LACTBL1: variants seen among roughly 807,000 people sequenced by gnomAD.
LACTBL1 encodes beta-lactamase-like protein 1.
A neutral mutation model predicts 39.6 loss-of-function variants in LACTBL1; 29 were observed. The ratio of observed to expected loss-of-function variants is 0.73; its 90% CI spans 0.55 to 1.00. The LOEUF (loss-of-function observed/expected upper bound fraction) is 1.00, where lower values mean the gene tolerates loss of function less well. LACTBL1 is among the 50% of genes least tolerant of loss of function. The probability of loss-of-function intolerance (pLI) is 0.00; values close to 1 mark genes in which losing one functional copy is unlikely to be tolerated. For synonymous variants in LACTBL1, 361 were observed against 360.7 expected, an observed-to-expected ratio of 1.00 and a Z score of -0.01; for missense variants, 711 against 748.5, an observed-to-expected ratio of 0.95 and a Z score of 0.59.
upstream of LACTBL1, among the ~76,000 whole-genome samples, chr1:22,966,501 G>A (rs1640877546): frequency 6.6e-6 from 1 of 152,148 alleles, no homozygotes; most frequent in African/African-American, 2.4e-5. Context: ...AATGAAAGGA[G>A]ACATCACTAC....
exon 1 of LACTBL1, chr1:22,965,330 G>A (rs2124239137): frequency 1.5e-6 from 2 of 1,315,724 alleles, no homozygotes; most frequent in East Asian, 3.1e-5. Context: ...ACAGGAAGCA[G>A]CCAGTCATGA....
chr1:22,965,064 G>A (rs889804464), intron 1 of LACTBL1, among the ~76,000 whole-genome samples: 3 of 152,176 alleles, frequency 2.0e-5, no homozygotes, highest in African/African-American at 4.8e-5. Context: ...AACCCCAGTG[G>A]CATCAGGATC....
chr1:22,959,599 C>T (rs1640797414), intron 3 of LACTBL1, among the ~76,000 whole-genome samples: 1 of 152,226 alleles, frequency 6.6e-6, no homozygotes, highest in Non-Finnish European at 1.5e-5. Context: ...GGACCTGGGG[C>T]AAGGACCTAG....
the LACTBL1 span, among the ~76,000 whole-genome samples, chr1:22,971,998 G>A: frequency 6.6e-6 from 1 of 152,142 alleles, no homozygotes; most frequent in Non-Finnish European, 1.5e-5. Flanking sequence ...CAGGTAGTTA[G>A]GAATGAGCTT....
chr1:22,959,688 G>A (rs1640799663), intron 3 of LACTBL1, among the ~76,000 whole-genome samples: 1 of 152,206 alleles, frequency 6.6e-6, no homozygotes, highest in Admixed American at 6.5e-5. Context: ...AGTTTGGGAG[G>A]TTTAGGGCTA....
upstream of LACTBL1, among the ~76,000 whole-genome samples, chr1:22,966,195 C>T (rs747499458): frequency 5.9e-5 from 9 of 152,194 alleles, no homozygotes; most frequent in East Asian, 5.8e-4. Flanking sequence ...AGCTGGCACA[C>T]GGTAACACTA....
chr1:22,960,617 CAAAAAAAAAAAAAA>C (rs35006759), intron 2 of LACTBL1, among the ~76,000 whole-genome samples: 8 of 38,008 alleles, frequency 2.1e-4, no homozygotes, highest in Admixed American at 1.3e-3. Context: ...AACTCCGTCT[CAAAAAAAAAAAAAA>C]AAAAAAAAAA....
chr1:22,960,133 C>A, intron 2 of LACTBL1, 34 bp from the exon 5 acceptor site: 1 of 1,548,788 alleles, frequency 6.5e-7, no homozygotes, highest in Non-Finnish European at 8.7e-7. Context: ...GTGACAGGCC[C>A]CCCTGCCCTC....
intron 1 of LACTBL1, 93 bp downstream of exon 3, chr1:22,965,197 C>T: frequency 9.0e-7 from 1 of 1,107,790 alleles, no homozygotes; most frequent in South Asian, 4.0e-5. Context: ...TCTTATGGTC[C>T]TCCCCTACAC....
At chr1:22,971,778 T>C in the LACTBL1 span, among the ~76,000 whole-genome samples, 5 of 152,254 alleles carry the variant, frequency 3.3e-5, no homozygotes, top group Non-Finnish European at 5.9e-5. Flanking sequence ...CTCACCCTTT[T>C]GAGTCTCAGA....
At chr1:22,967,070 CA>C (rs1258623208), upstream of LACTBL1, among the ~76,000 whole-genome samples, 1 of 151,990 alleles carries the variant, frequency 6.6e-6, no homozygotes, top group Non-Finnish European at 1.5e-5. Context: ...CCTTTCTCTA[CA>C]AAAAAATTAA....
At chr1:22,961,176 A>G (rs1640818971) in intron 2 of LACTBL1, among the ~76,000 whole-genome samples, 1 of 152,220 alleles carries the variant, frequency 6.6e-6, no homozygotes. Context: ...TGTGCCAGGC[A>G]TGGCATAAAG....
intron 2 of LACTBL1, among the ~76,000 whole-genome samples, chr1:22,962,556 G>A (rs1640836236): frequency 6.6e-6 from 1 of 152,106 alleles, no homozygotes. Context: ...TATCGCGGTG[G>A]CCTCTGCAAT....
upstream of LACTBL1, among the ~76,000 whole-genome samples, chr1:22,969,096 GA>G (rs1640913066): frequency 6.6e-6 from 1 of 152,142 alleles, no homozygotes; most frequent in Non-Finnish European, 1.5e-5. Flanking sequence ...CAGTATTTTT[GA>G]ATAGGAGGGC....
In LACTBL1 at chr1:22,955,369, G is replaced by A. The variant is rs562795697; in HGVS notation, c.611C>T (p.Ala204Val). 7.5e-5 allele frequency: 116 copies of A among 1,550,366 alleles called. 1 individual carries two copies. Among genetic ancestry groups the A allele is most frequent in the Middle Eastern group, 6.7e-4 (4 of 6,002 alleles). Residue 204 changes from alanine to valine, a missense_variant, in exon 5 of 6, where the codon GCC (alanine) becomes GTC (valine). By Grantham distance (64) the Ala-to-Val change is moderately conservative. Coordinates refer to ENST00000426928, the Ensembl canonical transcript of LACTBL1. ...CACATCGTCCTTGAGCAGGTTCAGG[G>A]CCTCCTGGGTGCTGCCCTTCCACAG...
chr1:22,962,315 A>G (rs974709438), intron 2 of LACTBL1, among the ~76,000 whole-genome samples: 16 of 152,052 alleles, frequency 1.1e-4, no homozygotes, highest in Non-Finnish European at 1.8e-4. Flanking sequence ...TCAGCACTCA[A>G]CAGCCCTTTC....
chr1:22,954,982 A>G (rs1310037932), intron 5 of LACTBL1, among the ~76,000 whole-genome samples: 1 of 152,214 alleles, frequency 6.6e-6, no homozygotes, highest in Non-Finnish European at 1.5e-5. Flanking sequence ...CAAAATCTGT[A>G]TTCACCTTGC....
intron 1 of LACTBL1, 101 bp from the exon 4 acceptor site, chr1:22,963,317 T>A: frequency 1.7e-6 from 1 of 597,962 alleles, no homozygotes; most frequent in East Asian, 3.5e-5. Flanking sequence ...AGGACAGCCC[T>A]CCCCAGCCGA....
intron 2 of LACTBL1, among the ~76,000 whole-genome samples, chr1:22,960,720 G>C (rs1640813716): frequency 1.3e-5 from 2 of 151,564 alleles, no homozygotes; most frequent in Non-Finnish European, 2.9e-5. Flanking sequence ...CCCTAGTGTT[G>C]GGGAATTCAC....
Sources: allele counts gnomAD v4.1 joint callset (sites outside exome capture counted in the v4.1 genomes callset), GRCh38; gene constraint gnomAD v4.1.1; transcripts MANE v1.5; gene names NCBI Gene and HGNC (gene_info 2026-07-23, HGNC 2026-07-21).